SLC5A10: variants seen among roughly 807,000 people sequenced by gnomAD.
SLC5A10 encodes the protein solute carrier family 5 member 10, also known as sodium/mannose cotransporter SLC5A10.
SLC5A10 carries 55 observed loss-of-function variants against 68.9 expected under a neutral mutation model. The ratio of observed to expected loss-of-function variants is 0.80; its 90% CI spans 0.64 to 1.00. The LOEUF (loss-of-function observed/expected upper bound fraction) is 1.00, where lower values mean the gene tolerates loss of function less well. Ranked by LOEUF, SLC5A10 falls within the 50% of genes least tolerant of loss-of-function variation. SLC5A10 has a pLI of 0.00. For synonymous variants in SLC5A10, 344 were observed against 344.8 expected (o/e 1.00, Z 0.02); for missense variants, 732 against 819.3 (o/e 0.89, Z 1.30).
At chr17:19,009,250 G>A (rs556912185) in intron 9 of SLC5A10, among the ~76,000 whole-genome samples, 68 of 152,104 alleles carry the variant, frequency 4.5e-4, no homozygotes, top group Non-Finnish European at 8.5e-4. Context: ...GGAGTGCAGC[G>A]GTGCAATCAC....
intron 9 of SLC5A10, among the ~76,000 whole-genome samples, chr17:18,991,890 C>T (rs1003152923): frequency 6.6e-6 from 1 of 152,180 alleles, no homozygotes; most frequent in Non-Finnish European, 1.5e-5. Flanking sequence ...GCCCAATGCC[C>T]AAGACAACCA....
intron 1 of SLC5A10, among the ~76,000 whole-genome samples, chr17:18,957,340 T>C (rs2042523738): frequency 6.6e-6 from 1 of 152,246 alleles, no homozygotes; most frequent in African/African-American, 2.4e-5. Context: ...CAAAATTCTA[T>C]ACTCCCCGTA....
chr17:18,960,743 T>C lies in SLC5A10; in HGVS notation c.453+91T>C, dbSNP rs2042598634. On this transcript the variant is annotated intron_variant, in intron 5 of 14. Coordinates refer to ENST00000395645, the MANE Select transcript of SLC5A10 (RefSeq NM_001042450.4). ...AGGACCTGACATCTTCTCATTCATC[T>C]CTGCCTTGTTTAACAGCTGGGCAAA... The C allele has an allele frequency of 4.0e-6, 5 of 1,251,728 alleles. No individual in the cohort carries two copies. In the East Asian group the frequency reaches 1.2e-4, roughly 29 times the overall value. 77.5% of individuals were successfully genotyped at this position (1,251,728 alleles called of 1,614,324 possible). A position where few individuals can be genotyped will look rare whatever the true frequency, so the allele number is the denominator to read the frequency against.
intron 9 of SLC5A10, chr17:18,978,666 G>A: frequency 6.2e-7 from 1 of 1,612,998 alleles, no homozygotes. Flanking sequence ...GCGGGCACCA[G>A]GGGGACCACA....
chr17:19,010,102 C>T (rs1021629672), intron 9 of SLC5A10, among the ~76,000 whole-genome samples: 2 of 152,046 alleles, frequency 1.3e-5, no homozygotes, highest in Admixed American at 6.6e-5. Flanking sequence ...TGTGATACCC[C>T]GGCAGCGGCT....
rs562003596 is a variant in SLC5A10 at position 19,003,463 on chromosome 17, G to A, written c.983-9947G>A. On this transcript the variant is annotated intron_variant, in intron 9 of 14. Transcript: ENST00000395645. This position sits in a 1 kb window ranked among gnomAD's most constrained non-coding sequence, Gnocchi z 4.5. ...TTTGGGCTCTGAGTGAGCCTGTATTGAGAGGGGTCCGGTGGCTGGTTGGGC... is the reference window on the plus strand; with the variant it reads ...TTTGGGCTCTGAGTGAGCCTGTATTAAGAGGGGTCCGGTGGCTGGTTGGGC... 2.0e-6 allele frequency: 3 copies of A among 1,493,670 alleles called. No individual in the cohort carries two copies. The African/African-American group carries it at 4.2e-5, about 21-fold the overall frequency. The allele number at this position is 1,493,670 out of a possible 1,614,324, so 92.5% of individuals were successfully genotyped here. A position where few individuals can be genotyped will look rare whatever the true frequency, so the allele number is the denominator to read the frequency against.
chr17:18,976,468 A>C, intron 8 of SLC5A10: 1 of 178,050 alleles, frequency 5.6e-6, no homozygotes, highest in East Asian at 1.5e-4. Flanking sequence ...CTGGCACTAT[A>C]AATGTGCCAG....
intron 5 of SLC5A10, among the ~76,000 whole-genome samples, chr17:18,966,594 T>C (rs932367250): frequency 6.6e-6 from 1 of 151,716 alleles, no homozygotes; most frequent in African/African-American, 2.4e-5. Flanking sequence ...TGAAACCATG[T>C]ACAAAATTAG....
At chr17:18,989,216 G>C (rs2043348799) in intron 9 of SLC5A10, among the ~76,000 whole-genome samples, 1 of 151,156 alleles carries the variant, frequency 6.6e-6, no homozygotes, top group Non-Finnish European at 1.5e-5. Flanking sequence ...CCAGGTCTGA[G>C]GACCACCTGG....
rs1002818354 is a variant in SLC5A10 at position 18,996,190 on chromosome 17, A to C, written c.983-17220A>C. Among the ~76,000 whole-genome samples the C allele has an allele frequency of 6.6e-6, 1 of 152,140 alleles. No individual in the cohort carries two copies. Among genetic ancestry groups the C allele is most frequent in the African/African-American group, 2.4e-5 (1 of 41,380 alleles). On this transcript the variant is annotated intron_variant, in intron 9 of 14. Coordinates refer to ENST00000395645, the MANE Select transcript of SLC5A10 (RefSeq NM_001042450.4). The surrounding 1 kb of genome is among the most constrained non-coding windows in gnomAD (Gnocchi z 4.4). ...ATACCCAGTAAAAATACATTTCAAA[A>C]CAAAAGGCAAACTAAAGACTTTTTC... is the stretch of plus-strand genomic sequence containing the variant.
intron 9 of SLC5A10, among the ~76,000 whole-genome samples, chr17:18,999,521 T>G (rs533613650): frequency 6.6e-6 from 1 of 152,252 alleles, no homozygotes; most frequent in South Asian, 2.1e-4. Context: ...CTCAGTTTCC[T>G]CATCTGCACA....
chr17:19,012,180 C>G (rs910492079), intron 9 of SLC5A10, among the ~76,000 whole-genome samples: 1 of 149,866 alleles, frequency 6.7e-6, no homozygotes, highest in Non-Finnish European at 1.5e-5. Flanking sequence ...TGGGTCAACT[C>G]TCTTCATCCC....
At chr17:19,016,384 T>C (rs2044141792) in intron 11 of SLC5A10, among the ~76,000 whole-genome samples, 1 of 152,150 alleles carries the variant, frequency 6.6e-6, no homozygotes, top group Non-Finnish European at 1.5e-5. Context: ...TTAGCTCCCA[T>C]GTGCACGTGT....
Position 19,004,103 on chromosome 17 carries a change from G to C in SLC5A10, c.983-9307G>C. The C allele has an allele frequency of 6.7e-7, 1 of 1,492,154 alleles. No individual in the cohort carries two copies. Among genetic ancestry groups the C allele is most frequent in the Non-Finnish European group, 9.0e-7 (1 of 1,113,964 alleles). The allele number at this position is 1,492,154 out of a possible 1,614,324, so 92.4% of individuals were successfully genotyped here. A position where few individuals can be genotyped will look rare whatever the true frequency, so the allele number is the denominator to read the frequency against. The stretch of plus-strand genomic sequence containing the variant: ...TGGGCAAGGTCCAGCTCCTAGCTCC[G>C]GCCCAGCTGGGGCACCGCGCGCTCG... On this transcript the variant is annotated intron_variant, in intron 9 of 14. Transcript: ENST00000395645. This position sits in a 1 kb window ranked among gnomAD's most constrained non-coding sequence, Gnocchi z 5.4.
intron 5 of SLC5A10, among the ~76,000 whole-genome samples, chr17:18,964,282 C>T (rs982286868): frequency 6.6e-6 from 1 of 152,264 alleles, no homozygotes; most frequent in Middle Eastern, 3.4e-3. Flanking sequence ...GTTTTTTCTG[C>T]GAAAGGCCTG....
intron 1 of SLC5A10, among the ~76,000 whole-genome samples, chr17:18,952,907 T>C (rs1276629529): frequency 6.6e-6 from 1 of 152,048 alleles, no homozygotes; most frequent in Non-Finnish European, 1.5e-5. Flanking sequence ...GGCTGTTTCA[T>C]GTGCAGATGG....
intron 9 of SLC5A10, chr17:18,978,484 G>T (rs1251500380): frequency 6.2e-7 from 1 of 1,612,314 alleles, no homozygotes; most frequent in Admixed American, 1.7e-5. Context: ...CTGGGTGGAT[G>T]GGTGGCAGCA....
In SLC5A10 at chr17:19,018,684, C is replaced by T. The variant is rs1234133748; in HGVS notation, c.1242-739C>T. The T allele has an allele frequency of 6.6e-6, 1 of 152,404 alleles. No individual in the cohort carries two copies. Among genetic ancestry groups the T allele is most frequent in the Non-Finnish European group, 1.5e-5 (1 of 68,152 alleles). 9.4% of individuals were successfully genotyped at this position (152,404 alleles called of 1,614,324 possible). A position where few individuals can be genotyped will look rare whatever the true frequency, so the allele number is the denominator to read the frequency against. ...CGCAGGGGACAGGAGGGGACGGGCT[C>T]ATGCTGGCCCAGCAGGGCTCCGGCT... On this transcript the variant is annotated intron_variant, in intron 11 of 14. Transcript: ENST00000395645. This position sits in a 1 kb window ranked among gnomAD's most constrained non-coding sequence, Gnocchi z 4.2.
chr17:18,978,502 G>C, intron 9 of SLC5A10: 1 of 1,613,182 alleles, frequency 6.2e-7, no homozygotes, highest in Non-Finnish European at 8.5e-7. Flanking sequence ...GCAGCTCGGG[G>C]AGTTCCCCTG....
Sources: gnomAD v4.1 joint callset for allele counts (sites outside exome capture counted in the v4.1 genomes callset) on GRCh38, gnomAD v4.1.1 for gene constraint, Gnocchi (gnomAD v3.1) non-coding constraint, MANE v1.5 for transcripts, NCBI Gene and HGNC (gene_info 2026-07-23, HGNC 2026-07-21) for gene names.